Variants in GREB1L observed in about 807,000 individuals in gnomAD.
GREB1L encodes the protein GREB1 like retinoic acid receptor coactivator, also known as GREB1-like protein.
GREB1L carries 17 observed loss-of-function variants against 200.8 expected under a neutral mutation model. That is an observed-to-expected ratio of 0.08 (90% CI 0.06 to 0.13). The LOEUF (loss-of-function observed/expected upper bound fraction) is 0.13. Among genes scored for constraint, GREB1L ranks in the 10% least tolerant of loss-of-function variants. The probability of loss-of-function intolerance (pLI) is 1.00; values close to 1 mark genes in which losing one functional copy is unlikely to be tolerated. For missense variants in GREB1L, 1,657 were observed against 2,367.7 expected (o/e 0.70, Z 6.23); for synonymous variants, 789 against 893.0 (o/e 0.88, Z 2.08).
intron 7 of GREB1L, among the ~76,000 whole-genome samples, chr18:21,418,657 G>C (rs1567994041): frequency 6.6e-5 from 10 of 152,110 alleles, no homozygotes; most frequent in Non-Finnish European, 1.0e-4. Flanking sequence ...CAAGTAGCTG[G>C]GATTACAGGT....
Position 21,496,537 on chromosome 18 carries a change from G to A in GREB1L, c.3230G>A (p.Cys1077Tyr). The A allele has an allele frequency of 6.4e-7, 1 of 1,551,706 alleles. No individual in the cohort carries two copies. The highest frequency in any genetic ancestry group is 1.2e-5 in the South Asian group (1 of 84,058). Reference protein sequence around the residue: ...TALEQEVGLACCYVSKEVIRG... With the variant: ...TALEQEVGLAYCYVSKEVIRG... ...TTGGAGCAGGAGGTGGGTCTGGCAT[G>A]CTGCTATGTCTCAAAAGAGGTCATC... Residue 1077 changes from cysteine (C) to tyrosine (Y), a missense_variant, in exon 21 of 33, where the codon TGC becomes TAC. Coordinates refer to ENST00000424526, the MANE Select transcript of GREB1L (RefSeq NM_001142966.3).
At chr18:21,462,198 A>C (rs1359575802) in intron 15 of GREB1L, among the ~76,000 whole-genome samples, 2 of 152,168 alleles carry the variant, frequency 1.3e-5, no homozygotes, top group African/African-American at 4.8e-5. Context: ...TCCATGTTTT[A>C]TTGTGGAGTT....
At chr18:21,327,464 A>G (rs2039039820) in intron 1 of GREB1L, among the ~76,000 whole-genome samples, 1 of 152,008 alleles carries the variant, frequency 6.6e-6, no homozygotes, top group African/African-American at 2.4e-5. Flanking sequence ...TCTCTCATCT[A>G]GACCATTGTA....
At chr18:21,275,313 A>G (rs1185326563) in intron 1 of GREB1L, among the ~76,000 whole-genome samples, 1 of 152,224 alleles carries the variant, frequency 6.6e-6, no homozygotes, top group East Asian at 1.9e-4. Context: ...AGAGAAATGT[A>G]GGAAATAGGT....
intron 2 of GREB1L, among the ~76,000 whole-genome samples, chr18:21,379,293 G>A (rs1310863965): frequency 1.3e-5 from 2 of 152,016 alleles, no homozygotes; most frequent in Admixed American, 1.3e-4. Context: ...CACAACCTCC[G>A]CCTCCCGGGT....
chr18:21,520,664 G>A, intron 31 of GREB1L, 24 bp from the exon 32 acceptor site: 2 of 1,551,310 alleles, frequency 1.3e-6, no homozygotes, highest in Non-Finnish European at 1.7e-6. Flanking sequence ...AAATGCCCAT[G>A]CTATTTTTGC....
At chr18:21,286,115 TA>T (rs532741041) in intron 1 of GREB1L, among the ~76,000 whole-genome samples, 61 of 152,322 alleles carry the variant, frequency 4.0e-4, no homozygotes, top group African/African-American at 1.4e-3. Context: ...ACATTTTCAA[TA>T]TTAGATTAAA....
At chr18:21,501,001 G>C (rs1267915263) in intron 23 of GREB1L, among the ~76,000 whole-genome samples, 2 of 150,952 alleles carry the variant, frequency 1.3e-5, no homozygotes, top group Non-Finnish European at 2.9e-5. Flanking sequence ...CCCAGGAGGC[G>C]GGTTGCAGTG....
chr18:21,247,870 G>A (rs2037633186), intron 1 of GREB1L, among the ~76,000 whole-genome samples: 1 of 151,964 alleles, frequency 6.6e-6, no homozygotes, highest in African/African-American at 2.4e-5. Flanking sequence ...AGATTCTTGG[G>A]GTCCACTCTG....
chr18:21,335,987 T>C (rs953875344), intron 1 of GREB1L, among the ~76,000 whole-genome samples: 14 of 152,120 alleles, frequency 9.2e-5, no homozygotes, highest in African/African-American at 3.4e-4. Flanking sequence ...TTAAAATAAT[T>C]TCATCATTAA....
Position 21,515,603 on chromosome 18 carries a change from C to T in GREB1L, c.5088C>T (p.Leu1696=), listed in dbSNP as rs1020832249. The T allele has an allele frequency of 5.4e-5, 84 of 1,551,574 alleles. No homozygotes were observed. Among genetic ancestry groups the T allele is most frequent in the Admixed American group, 5.1e-4 (26 of 50,986 alleles). The change falls in exon 29 of 33, where the codon CTC becomes CTT. Residue 1696 remains leucine, a synonymous_variant. Coordinates refer to ENST00000424526, the MANE Select transcript of GREB1L (RefSeq NM_001142966.3). ...GTCACGTGCATGATTTCATTCTCCT[C>T]AACACAGACTTGACTCAGAATGTGC... is the stretch of plus-strand genomic sequence containing the variant. ...SRCHVHDFIL[L]NTDLTQNVQY...
chr18:21,332,465 TA>T (rs546188618), intron 1 of GREB1L, among the ~76,000 whole-genome samples: 1,704 of 146,380 alleles, frequency 0.012, 16 homozygotes, highest in Middle Eastern at 0.024. Flanking sequence ...TATTCCACTC[TA>T]AAAAAAAAAA....
chr18:21,489,238 G>GGCT (rs2036238553), intron 18 of GREB1L, among the ~76,000 whole-genome samples: 1 of 152,172 alleles, frequency 6.6e-6, no homozygotes, highest in Non-Finnish European at 1.5e-5. Context: ...TGGTACCAAA[G>GGCT]GCTGCTGCTG....
chr18:21,291,326 T>C (rs867643283), intron 1 of GREB1L, among the ~76,000 whole-genome samples: 45 of 152,180 alleles, frequency 3.0e-4, no homozygotes, highest in African/African-American at 1.1e-3. Flanking sequence ...CTGGCTCAGT[T>C]GAGCCCTAGG....
chr18:21,442,410 C>A (rs1170582774), intron 10 of GREB1L, among the ~76,000 whole-genome samples: 1 of 152,190 alleles, frequency 6.6e-6, no homozygotes, highest in Non-Finnish European at 1.5e-5. Flanking sequence ...GTTGCTTTAT[C>A]TGCTAATCCT....
intron 7 of GREB1L, among the ~76,000 whole-genome samples, chr18:21,414,774 C>G (rs1036017912): frequency 6.6e-6 from 1 of 152,112 alleles, no homozygotes; most frequent in African/African-American, 2.4e-5. Context: ...GAATCAGTAG[C>G]AGATCAGCTC....
intron 1 of GREB1L, among the ~76,000 whole-genome samples, chr18:21,347,992 T>C (rs933211354): frequency 4.7e-5 from 6 of 128,956 alleles, no homozygotes; most frequent in African/African-American, 1.8e-4. Flanking sequence ...TCGCCCAGCC[T>C]GGAATGCAGT....
chr18:21,489,876 T>G, intron 18 of GREB1L, 136 bp from the exon 19 acceptor site: 1 of 649,850 alleles, frequency 1.5e-6, no homozygotes, highest in Non-Finnish European at 2.6e-6. Context: ...TCCCAGGTCA[T>G]TCTAGAACTA....
Position 21,428,196 on chromosome 18 carries a change from CAAAAAAAAAAAAAAAAAAAAA to C in GREB1L, c.833-11314_833-11294del, listed in dbSNP as rs60750456. ...TGGGCGACAGAGCGAGACTCCGTCT[CAAAAAAAAAAAAAAAAAAAAA>C]AAAAAAAAAAGAGTGGACATATCTT... On this transcript the variant is annotated intron_variant, in intron 7 of 32. Coordinates refer to ENST00000424526, the MANE Select transcript of GREB1L (RefSeq NM_001142966.3). 1.9e-4 allele frequency among the ~76,000 whole-genome samples: 9 copies of C among 48,168 alleles called. No individual in the cohort carries two copies. In the East Asian group the frequency reaches 2.3e-3, roughly 12 times the overall value. 31.6% of individuals were successfully genotyped at this position (48,168 alleles called of 152,430 possible). A position where few individuals can be genotyped will look rare whatever the true frequency, so the allele number is the denominator to read the frequency against.
Sources: allele counts gnomAD v4.1 joint callset (sites outside exome capture counted in the v4.1 genomes callset), GRCh38; gene constraint gnomAD v4.1.1; transcripts MANE v1.5; gene names NCBI Gene and HGNC (gene_info 2026-07-23, HGNC 2026-07-21).